Variants in UBAP1 observed in about 807,000 individuals in gnomAD.
UBAP1 encodes the protein ubiquitin-associated protein 1.
In UBAP1, 5 loss-of-function variants were observed where a neutral mutation model predicts 39.0. The observed-to-expected ratio is 0.13, with a 90% CI of 0.07 to 0.27. The LOEUF (loss-of-function observed/expected upper bound fraction) is 0.27. Among genes scored for constraint, UBAP1 ranks in the 10% least tolerant of loss-of-function variants. The pLI is 1.00. For synonymous variants in UBAP1, 211 were observed against 225.1 expected (o/e 0.94, Z 0.56); for missense variants, 490 against 608.1 (o/e 0.81, Z 2.04).
chr9:34,246,707 CTTGGT>C (rs1834194463), intron 4 of UBAP1, among the ~76,000 whole-genome samples: 1 of 152,194 alleles, frequency 6.6e-6, no homozygotes, highest in Non-Finnish European at 1.5e-5. Flanking sequence ...TATGGAAAGA[CTTGGT>C]AGAAGCTGTC....
chr9:34,197,116 CG>C (rs1422011830), intron 1 of UBAP1, among the ~76,000 whole-genome samples: 1 of 151,702 alleles, frequency 6.6e-6, no homozygotes, highest in African/African-American at 2.4e-5. Context: ...TTAGTAGAGA[CG>C]GGGTTTCACT....
chr9:34,207,048 C>CTT (rs34197502), intron 1 of UBAP1, among the ~76,000 whole-genome samples: 2,791 of 89,998 alleles, frequency 0.031, 197 homozygotes, highest in East Asian at 0.12. Context: ...ATTGTTATTT[C>CTT]TTTTTTTTTT....
chr9:34,199,802 A>ATTTT (rs34239421), intron 1 of UBAP1, among the ~76,000 whole-genome samples: 3 of 119,688 alleles, frequency 2.5e-5, no homozygotes, highest in Non-Finnish European at 3.5e-5. Context: ...TGCCTGGCTG[A>ATTTT]TTTTTTTTTT....
At chr9:34,219,368 G>T (rs1832531536) in intron 1 of UBAP1, among the ~76,000 whole-genome samples, 1 of 152,092 alleles carries the variant, frequency 6.6e-6, no homozygotes, top group African/African-American at 2.4e-5. Flanking sequence ...GATTACATGT[G>T]TAAGTCACCA....
Position 34,220,967 on chromosome 9 carries a change from T to A in UBAP1, c.34+19T>A. The A allele has an allele frequency of 6.2e-7, 1 of 1,608,976 alleles. No individual in the cohort carries two copies. Among genetic ancestry groups the A allele is most frequent in the Non-Finnish European group, 8.5e-7 (1 of 1,175,686 alleles). On this transcript the variant is annotated intron_variant, in intron 2 of 6. Coordinates refer to ENST00000297661, the MANE Select transcript of UBAP1 (RefSeq NM_016525.5). ...TTTCATGGTAAGTGGACTATTAGAA[T>A]CATGGTTTAAGTTATGATTTGATCA...
intron 1 of UBAP1, among the ~76,000 whole-genome samples, chr9:34,181,762 GA>G (rs1208196218): frequency 3.4e-5 from 5 of 147,090 alleles, no homozygotes; most frequent in Non-Finnish European, 7.4e-5. Context: ...GAAGGCAAAG[GA>G]AAAAAATTAA....
At chr9:34,250,582 A>G (rs924913638) in intron 5 of UBAP1, 76 bp from the exon 6 acceptor site, 34 of 1,190,252 alleles carry the variant, frequency 2.9e-5, no homozygotes, top group East Asian at 1.2e-4. Context: ...GACTTCACAC[A>G]CTAGTTTGTT....
intron 3 of UBAP1, among the ~76,000 whole-genome samples, chr9:34,239,905 A>G (rs1446180370): frequency 1.3e-5 from 2 of 152,086 alleles, no homozygotes; most frequent in Admixed American, 6.6e-5. Flanking sequence ...CCCTCCCTGC[A>G]CCGCACCCTG....
intron 1 of UBAP1, among the ~76,000 whole-genome samples, chr9:34,206,685 G>T (rs1272904388): frequency 6.6e-6 from 1 of 152,044 alleles, no homozygotes; most frequent in East Asian, 1.9e-4. Flanking sequence ...TGGCTCGCTA[G>T]CTGTATGTGT....
intron 1 of UBAP1, among the ~76,000 whole-genome samples, chr9:34,180,543 A>G (rs1053268778): frequency 2.0e-5 from 3 of 152,108 alleles, no homozygotes; most frequent in African/African-American, 7.2e-5. Context: ...TATGGCAAAG[A>G]ATGTGAAATG....
At chr9:34,196,618 T>A (rs1031068988) in intron 1 of UBAP1, among the ~76,000 whole-genome samples, 2 of 151,656 alleles carry the variant, frequency 1.3e-5, no homozygotes, top group Non-Finnish European at 2.9e-5. Flanking sequence ...CCTAAATAAT[T>A]TTTTTTAATA....
chr9:34,200,783 C>A (rs961712603), intron 1 of UBAP1, among the ~76,000 whole-genome samples: 1 of 152,176 alleles, frequency 6.6e-6, no homozygotes, highest in African/African-American at 2.4e-5. Flanking sequence ...TAGCTGTTCT[C>A]CCGAATTTTG....
chr9:34,250,650 T>G lies in UBAP1; in HGVS notation c.1267-8T>G, dbSNP rs2131638109. 1 of 1,610,622 alleles carries G rather than the reference T, an allele frequency of 6.2e-7. No homozygotes were observed. Among genetic ancestry groups the G allele is most frequent in the East Asian group, 2.2e-5 (1 of 44,786 alleles). On this transcript the variant is annotated splice_region_variant and splice_polypyrimidine_tract_variant and intron_variant, in intron 5 of 6. Coordinates refer to ENST00000297661, the MANE Select transcript of UBAP1 (RefSeq NM_016525.5). ...AGTAGGTGCTAAACCCCTTGTTTCT[T>G]TTCTTAGATTCTCGACTATCTCTTT...
Position 34,203,952 on chromosome 9 carries a change from A to G in UBAP1, c.-7-16956A>G, listed in dbSNP as rs149881646. Among the ~76,000 whole-genome samples the G allele has an allele frequency of 4.9e-3, 745 of 152,362 alleles. 3 individuals are homozygous for G. The highest frequency in any genetic ancestry group is 0.027 in the Middle Eastern group (8 of 294). On this transcript the variant is annotated intron_variant, in intron 1 of 6. Coordinates refer to ENST00000297661, the MANE Select transcript of UBAP1 (RefSeq NM_016525.5). ...ACTGAGTTTGAAGACTCCAGGAAGAACAAAAAATTATATTTGCAATTACTT... is the reference window on the plus strand; with the variant it reads ...ACTGAGTTTGAAGACTCCAGGAAGAGCAAAAAATTATATTTGCAATTACTT...
intron 1 of UBAP1, among the ~76,000 whole-genome samples, chr9:34,193,389 A>G (rs531308057): frequency 6.6e-6 from 1 of 152,110 alleles, no homozygotes; most frequent in Non-Finnish European, 1.5e-5. Flanking sequence ...CACCACCACA[A>G]CAATCATCAA....
chr9:34,220,416 C>T (rs1832697072), intron 1 of UBAP1: 1 of 152,842 alleles, frequency 6.5e-6, no homozygotes, highest in Admixed American at 6.6e-5. Flanking sequence ...CCTCAATCTC[C>T]CGGGCACAAG....
At chr9:34,182,283 C>T (rs752173033) in intron 1 of UBAP1, among the ~76,000 whole-genome samples, 1 of 143,024 alleles carries the variant, frequency 7.0e-6, no homozygotes, top group Admixed American at 7.2e-5. Flanking sequence ...TTCCCAGGTT[C>T]AAGTGATTCT....
rs938852715 is a variant in UBAP1 at position 34,179,374 on chromosome 9, A to G, written c.-8+134A>G. 1.2e-5 allele frequency: 8 copies of G among 663,202 alleles called. No homozygotes were observed. The South Asian group carries it at 5.6e-4, about 46-fold the overall frequency. 41.1% of individuals were successfully genotyped at this position (663,202 alleles called of 1,614,324 possible). On this transcript the variant is annotated intron_variant, in intron 1 of 6. Coordinates refer to ENST00000297661, the MANE Select transcript of UBAP1 (RefSeq NM_016525.5). Reference sequence around the variant, plus strand: ...CGCCGGAGCTAGGAGGTGGGAGGGAAAAGTGGCCGGAGATCCGCGATTCGG... The same window carrying G: ...CGCCGGAGCTAGGAGGTGGGAGGGAGAAGTGGCCGGAGATCCGCGATTCGG...
intron 1 of UBAP1, among the ~76,000 whole-genome samples, chr9:34,208,803 G>T (rs1252244903): frequency 1.3e-5 from 2 of 150,378 alleles, no homozygotes; most frequent in Non-Finnish European, 3.0e-5. Flanking sequence ...AATTAGCTGG[G>T]TGTGGTGGTG....
Sources: allele counts gnomAD v4.1 joint callset (sites outside exome capture counted in the v4.1 genomes callset), GRCh38; gene constraint gnomAD v4.1.1; transcripts MANE v1.5; gene names NCBI Gene and HGNC (gene_info 2026-07-23, HGNC 2026-07-21).